PCDHGB5: variants seen among roughly 807,000 people sequenced by gnomAD.
PCDHGB5 encodes the protein protocadherin gamma subfamily B, 5.
Under a neutral mutation model 62.9 loss-of-function variants are expected in PCDHGB5, and 48 were observed. The ratio of observed to expected loss-of-function variants is 0.76; its 90% confidence interval spans 0.61 to 0.97. The LOEUF is 0.97. PCDHGB5 is among the 50% of genes least tolerant of loss of function. PCDHGB5 has a pLI of 0.00. For missense variants in PCDHGB5, 1,118 were observed against 1,198.6 expected (o/e 0.93, Z 0.99); for synonymous variants, 474 against 511.2 (o/e 0.93, Z 0.98).
At position 141,431,359 on chromosome 5, in the gene PCDHGB5, G is replaced by C; in HGVS notation, c.2397+30835G>C. ...CCGAATTGGTGCTGAAACGCGCCCT[G>C]GACCGCGAAGAAAAGGCTGCTCACC... On this transcript the variant is annotated intron_variant, in intron 1 of 3. Coordinates refer to ENST00000617380, the MANE Select transcript of PCDHGB5 (RefSeq NM_018925.3). This position sits in a 1 kb window ranked among gnomAD's most constrained non-coding sequence, Gnocchi z 4.8. The C allele has an allele frequency of 6.2e-7, 1 of 1,614,024 alleles. No homozygotes were observed. Among genetic ancestry groups the C allele is most frequent in the Non-Finnish European group, 8.5e-7 (1 of 1,180,030 alleles).
Position 141,490,924 on chromosome 5 carries a change from C to G in PCDHGB5, c.2398-3883C>G, listed in dbSNP as rs1469202824. The G allele has an allele frequency of 1.9e-6, 3 of 1,613,562 alleles. No individual in the cohort carries two copies. The highest frequency in any genetic ancestry group is 2.5e-6 in the Non-Finnish European group (3 of 1,179,702). ...TGTCCTAGACGAGAATGATAATGCC[C>G]CAGCTGTGCTGCACCCACGGCCAGA... On this transcript the variant is annotated intron_variant, in intron 1 of 3. Transcript: ENST00000617380. The surrounding 1 kb of genome is among the most constrained non-coding windows in gnomAD (Gnocchi z 5.4).
chr5:141,478,870 GT>G, intron 1 of PCDHGB5: 1 of 1,273,360 alleles, frequency 7.9e-7, no homozygotes, highest in Non-Finnish European at 1.0e-6. Context: ...AGCGATCAGA[GT>G]TTAGCTTGGT....
intron 1 of PCDHGB5, among the ~76,000 whole-genome samples, chr5:141,466,225 C>A (rs925594512): frequency 2.0e-5 from 3 of 152,028 alleles, no homozygotes; most frequent in Admixed American, 6.6e-5. Flanking sequence ...GGCTGGAGTG[C>A]AGTGGCACCA....
rs374200575 is a variant in PCDHGB5 at position 141,432,105 on chromosome 5, C to G, written c.2397+31581C>G. On this transcript the variant is annotated intron_variant, in intron 1 of 3. Transcript: ENST00000617380. This position sits in a 1 kb window ranked among gnomAD's most constrained non-coding sequence, Gnocchi z 6.0. The stretch of plus-strand genomic sequence containing the variant: ...AACGTGGCAGACACCAACGACAACC[C>G]GCCGGTCTTCCCTCAGGCCTCCTAT... 1.2e-6 allele frequency: 2 copies of G among 1,614,172 alleles called. No individual in the cohort carries two copies. Among genetic ancestry groups the G allele is most frequent in the Non-Finnish European group, 1.7e-6 (2 of 1,180,034 alleles).
At chr5:141,501,318 C>T (rs1273608837) in intron 2 of PCDHGB5, among the ~76,000 whole-genome samples, 1 of 151,766 alleles carries the variant, frequency 6.6e-6, no homozygotes, top group African/African-American at 2.4e-5. Flanking sequence ...CACACACACA[C>T]ACACACACAC....
intron 1 of PCDHGB5, chr5:141,409,236 C>T (rs1305954301): frequency 1.2e-6 from 2 of 1,613,866 alleles, no homozygotes; most frequent in Non-Finnish European, 8.5e-7. Flanking sequence ...GACAACAGCC[C>T]AGAAATAATC....
chr5:141,471,196 C>T (rs59385734), intron 1 of PCDHGB5: 16,293 of 151,632 alleles, frequency 0.11, 894 homozygotes, highest in South Asian at 0.15. Context: ...ATTACAGGCA[C>T]CCACCCCCAT....
chr5:141,428,488 CTGT>C (rs2097142454), intron 1 of PCDHGB5: 1 of 312,362 alleles, frequency 3.2e-6, no homozygotes. Flanking sequence ...TTCCTGCAAT[CTGT>C]ATGTTCCCTC....
At chr5:141,423,001 G>A in intron 1 of PCDHGB5, 2 of 1,614,230 alleles carry the variant, frequency 1.2e-6, no homozygotes, top group Non-Finnish European at 1.7e-6. Flanking sequence ...GGTGACCAAG[G>A]TGGTTGCGGT....
rs776079289 is a variant in PCDHGB5 at position 141,423,264 on chromosome 5, CGAGTCTCT to C, written c.2397+22742_2397+22749del. The C allele has an allele frequency of 9.8e-5, 158 of 1,613,986 alleles. 1 individual carries two copies. The African/African-American group carries it at 1.9e-3, about 20-fold the overall frequency. ...AAGTCCTGGCGGACCTCGGCAGCCT[CGAGTCTCT>C]GGCTAACTCTGAAACCTCAGACCTC... On this transcript the variant is annotated intron_variant, in intron 1 of 3. Transcript: ENST00000617380.
rs776657082 is a variant in PCDHGB5, at chr5:141,432,778, G to A, written c.2397+32254G>A. On this transcript the variant is annotated intron_variant, in intron 1 of 3. Coordinates refer to ENST00000617380, the MANE Select transcript of PCDHGB5 (RefSeq NM_018925.3). The surrounding 1 kb of genome is among the most constrained non-coding windows in gnomAD (Gnocchi z 6.0). ...CCGACAGCATCCCCCAAGTCCTGGC[G>A]GACCTCGGCAGCCTCGAGTCTCCAG... 6.2e-7 allele frequency: 1 copy of A among 1,614,166 alleles called. No homozygotes were observed. Among genetic ancestry groups the A allele is most frequent in the Non-Finnish European group, 8.5e-7 (1 of 1,180,002 alleles).
At chr5:141,495,164 C>T (rs1326419591) in intron 2 of PCDHGB5, among the ~76,000 whole-genome samples, 4 of 152,198 alleles carry the variant, frequency 2.6e-5, no homozygotes, top group Admixed American at 1.3e-4. Context: ...AAGCTGGTCT[C>T]TGGGTGAAAG....
intron 2 of PCDHGB5, among the ~76,000 whole-genome samples, chr5:141,497,487 T>TCTCTCTCTC (rs1223198472): frequency 1.3e-5 from 2 of 151,562 alleles, no homozygotes; most frequent in Non-Finnish European, 2.9e-5. Flanking sequence ...GCGGAACCTC[T>TCTCTCTCTC]CTCTCTCTCC....
chr5:141,427,971 C>T (rs764145525), intron 1 of PCDHGB5: 1 of 1,593,512 alleles, frequency 6.3e-7, no homozygotes, highest in African/African-American at 1.3e-5. Flanking sequence ...GGTGCTGTAC[C>T]CCGCGCTGGG....
At chr5:141,444,471 G>A (rs929365899) in intron 1 of PCDHGB5, among the ~76,000 whole-genome samples, 1 of 151,876 alleles carries the variant, frequency 6.6e-6, no homozygotes, top group Non-Finnish European at 1.5e-5. Flanking sequence ...GCGCCCGGTC[G>A]CGTACTGGAT....
intron 1 of PCDHGB5, chr5:141,403,870 T>A: frequency 6.2e-7 from 1 of 1,613,498 alleles, no homozygotes; most frequent in African/African-American, 1.3e-5. Flanking sequence ...CAGCAAAAAG[T>A]CTAGATTATG....
At chr5:141,466,143 C>T (rs2099117622) in intron 1 of PCDHGB5, among the ~76,000 whole-genome samples, 1 of 151,816 alleles carries the variant, frequency 6.6e-6, no homozygotes, top group Admixed American at 6.6e-5. Flanking sequence ...CAAGTGAAAA[C>T]TCTGGTCTTA....
chr5:141,477,951 G>T lies in PCDHGB5; in HGVS notation c.2398-16856G>T. 3 of 1,614,120 alleles carry T rather than the reference G, an allele frequency of 1.9e-6. No homozygotes were observed. The highest frequency in any genetic ancestry group is 2.5e-6 in the Non-Finnish European group (3 of 1,180,024). Reference sequence around the variant, plus strand: ...GCCTGGCTCTCCTACAGTCTCTTGGGATCCCCTAACCAGAGCCTTTTTGCC... The same window carrying T: ...GCCTGGCTCTCCTACAGTCTCTTGGTATCCCCTAACCAGAGCCTTTTTGCC... On this transcript the variant is annotated intron_variant, in intron 1 of 3. Transcript: ENST00000617380. The surrounding 1 kb of genome is among the most constrained non-coding windows in gnomAD (Gnocchi z 4.9).
intron 1 of PCDHGB5, among the ~76,000 whole-genome samples, chr5:141,400,827 C>G (rs1236536713): frequency 2.0e-5 from 3 of 152,178 alleles, no homozygotes; most frequent in Admixed American, 2.0e-4. Flanking sequence ...TTCGTTGTCT[C>G]ATTCTTTAAC....
Sources: gnomAD v4.1 joint callset for allele counts (sites outside exome capture counted in the v4.1 genomes callset) on GRCh38, gnomAD v4.1.1 for gene constraint, Gnocchi (gnomAD v3.1) non-coding constraint, MANE v1.5 for transcripts, NCBI Gene and HGNC (gene_info 2026-07-23, HGNC 2026-07-21) for gene names.